Variants in BCKDHB observed in about 807,000 individuals in gnomAD.
BCKDHB encodes 2-oxoisovalerate dehydrogenase subunit beta, mitochondrial.
A neutral mutation model predicts 48.5 loss-of-function variants in BCKDHB; 41 were observed. The ratio of observed to expected loss-of-function variants is 0.85; its 90% CI spans 0.66 to 1.10. The LOEUF (loss-of-function observed/expected upper bound fraction) is 1.10. BCKDHB is among the 50% of genes least tolerant of loss of function. The probability of loss-of-function intolerance (pLI) is 0.00; values close to 1 mark genes in which losing one functional copy is unlikely to be tolerated. For missense variants in BCKDHB, 496 were observed against 494.2 expected (o/e 1.00, Z -0.03); for synonymous variants, 201 against 174.8 (o/e 1.15, Z -1.18).
At chr6:80,457,703 TCAGA>T in the BCKDHB span, among the ~76,000 whole-genome samples, 4 of 152,172 alleles carry the variant, frequency 2.6e-5, no homozygotes, top group African/African-American at 4.8e-5. Context: ...TACCGGGAAG[TCAGA>T]CAAAGATGCT....
At chr6:80,223,880 T>G (rs954377644) in intron 8 of BCKDHB, among the ~76,000 whole-genome samples, 1 of 152,192 alleles carries the variant, frequency 6.6e-6, no homozygotes, top group Non-Finnish European at 1.5e-5. Flanking sequence ...GGGGATTGAC[T>G]AATCTGTTAA....
In BCKDHB at chr6:80,140,009, A is replaced by G. The variant is rs146153850; in HGVS notation, c.343+10780A>G. On this transcript the variant is annotated intron_variant, in intron 3 of 9. Transcript: ENST00000320393. ...CAGTGGTTTGTAGTTCTCCTTGAAGAGGTCCTTCACTTCCCTTGTAAGGTG... is the reference window on the plus strand; with the variant it reads ...CAGTGGTTTGTAGTTCTCCTTGAAGGGGTCCTTCACTTCCCTTGTAAGGTG... Among the ~76,000 whole-genome samples the G allele has an allele frequency of 5.2e-4, 79 of 152,274 alleles. 1 individual carries two copies. In the East Asian group the frequency reaches 0.012, roughly 24 times the overall value.
chr6:80,160,078 A>G (rs948379978), intron 3 of BCKDHB, among the ~76,000 whole-genome samples: 1 of 152,252 alleles, frequency 6.6e-6, no homozygotes, highest in Non-Finnish European at 1.5e-5. Context: ...AAAGCTTCTG[A>G]AAAATGTCTA....
chr6:80,161,439 G>GA lies in BCKDHB; in HGVS notation c.344-6229dup, dbSNP rs890448589. 1.5e-4 allele frequency among the ~76,000 whole-genome samples: 22 copies of GA among 148,806 alleles called. No homozygotes were observed. The South Asian group carries it at 1.5e-3, about 10-fold the overall frequency. ...CAATCCAGTTGCTGAGAATGGGGCA[G>GA]AAAAAAAAAATGTGATTTCTAAATC... On this transcript the variant is annotated intron_variant, in intron 3 of 9. Coordinates refer to ENST00000320393, the MANE Select transcript of BCKDHB (RefSeq NM_183050.4).
rs558456040 is a variant in BCKDHB at position 80,132,802 on chromosome 6, T to A, written c.343+3573T>A. 4.6e-5 allele frequency among the ~76,000 whole-genome samples: 7 copies of A among 152,310 alleles called. No individual in the cohort carries two copies. The South Asian group carries it at 1.4e-3, about 32-fold the overall frequency. The stretch of plus-strand genomic sequence containing the variant: ...TCTAATGAGAGTAAGTGAGCTTCTG[T>A]TTTCAGAAGTGAAGAATAAAGGAAA... On this transcript the variant is annotated intron_variant, in intron 3 of 9. Transcript: ENST00000320393.
the BCKDHB span, among the ~76,000 whole-genome samples, chr6:80,410,521 C>T: frequency 0.86 from 131,217 of 152,162 alleles, 57,325 homozygotes; most frequent in East Asian, 0.95. Flanking sequence ...TTCTGCTGTA[C>T]AATATACTGA....
chr6:80,178,248 C>T (rs1413392556), intron 6 of BCKDHB, among the ~76,000 whole-genome samples: 1 of 152,162 alleles, frequency 6.6e-6, no homozygotes, highest in African/African-American at 2.4e-5. Flanking sequence ...TACTCTTACT[C>T]CTTTAATCTT....
chr6:80,436,601 G>A, the BCKDHB span, among the ~76,000 whole-genome samples: 17 of 152,080 alleles, frequency 1.1e-4, no homozygotes, highest in African/African-American at 4.1e-4. Context: ...TGGTTTAAGT[G>A]TCACCTCCTC....
chr6:80,348,881 A>G (rs1249440552), downstream of BCKDHB, among the ~76,000 whole-genome samples: 1 of 152,188 alleles, frequency 6.6e-6, no homozygotes, highest in African/African-American at 2.4e-5. Flanking sequence ...AGATTTAGAA[A>G]CCCTGGCACC....
intron 9 of BCKDHB, among the ~76,000 whole-genome samples, chr6:80,330,339 A>G (rs1393117577): frequency 6.6e-6 from 1 of 152,148 alleles, no homozygotes; most frequent in Non-Finnish European, 1.5e-5. Context: ...GCTGACATAT[A>G]TATATATTTG....
intron 8 of BCKDHB, among the ~76,000 whole-genome samples, chr6:80,233,221 G>A (rs918827248): frequency 6.6e-6 from 1 of 151,940 alleles, no homozygotes; most frequent in Admixed American, 6.6e-5. Flanking sequence ...TTCCAGGAAC[G>A]GATAAAAATT....
the BCKDHB span, among the ~76,000 whole-genome samples, chr6:80,443,028 C>T: frequency 0.04 from 6,047 of 152,088 alleles, 400 homozygotes; most frequent in African/African-American, 0.14. Context: ...GGGTCTGAAG[C>T]CTGTTCAGGG....
At chr6:80,224,230 A>G (rs1050842761) in intron 8 of BCKDHB, among the ~76,000 whole-genome samples, 3 of 152,088 alleles carry the variant, frequency 2.0e-5, no homozygotes, top group African/African-American at 4.8e-5. Flanking sequence ...TTCCTTCCCA[A>G]TGGCCCAGAA....
intron 8 of BCKDHB, among the ~76,000 whole-genome samples, chr6:80,214,250 T>G (rs1486737771): frequency 6.6e-6 from 1 of 152,166 alleles, no homozygotes; most frequent in Non-Finnish European, 1.5e-5. Context: ...TGCACCTGGG[T>G]GTTAATCACC....
At chr6:80,267,003 G>GA (rs371088966) in intron 8 of BCKDHB, among the ~76,000 whole-genome samples, 1 of 151,744 alleles carries the variant, frequency 6.6e-6, no homozygotes, top group Admixed American at 6.6e-5. Context: ...CCCCGCCCAT[G>GA]AAAAAAAATT....
intron 9 of BCKDHB, among the ~76,000 whole-genome samples, chr6:80,310,629 C>T (rs562614082): frequency 2.6e-5 from 4 of 152,188 alleles, no homozygotes; most frequent in South Asian, 2.1e-4. Flanking sequence ...GTAATGGGAT[C>T]GCTGGGTCAA....
the BCKDHB span, among the ~76,000 whole-genome samples, chr6:80,411,782 G>C: frequency 6.6e-6 from 1 of 152,260 alleles, no homozygotes; most frequent in Non-Finnish European, 1.5e-5. Flanking sequence ...AGGCACGGGA[G>C]GGAATCTCCT....
chr6:80,158,660 G>T (rs1772170837), intron 3 of BCKDHB, among the ~76,000 whole-genome samples: 1 of 152,152 alleles, frequency 6.6e-6, no homozygotes, highest in Non-Finnish European at 1.5e-5. Context: ...GTTGTCCCTA[G>T]TTGGGCTGAA....
At chr6:80,140,394 G>A (rs906507426) in intron 3 of BCKDHB, among the ~76,000 whole-genome samples, 12 of 152,154 alleles carry the variant, frequency 7.9e-5, no homozygotes, top group African/African-American at 1.7e-4. Flanking sequence ...TTTTCAAAGG[G>A]AATGCTTCCA....
Sources: allele counts gnomAD v4.1 joint callset (sites outside exome capture counted in the v4.1 genomes callset), GRCh38; gene constraint gnomAD v4.1.1; transcripts MANE v1.5; gene names NCBI Gene and HGNC (gene_info 2026-07-23, HGNC 2026-07-21).